GRIA3: variants seen among roughly 807,000 people sequenced by gnomAD.
The protein encoded by GRIA3 is glutamate ionotropic receptor AMPA type subunit 3.
A neutral mutation model predicts 63.0 loss-of-function variants in GRIA3; 3 were observed. The ratio of observed to expected loss-of-function variants is 0.05; its 90% CI spans 0.02 to 0.12. The LOEUF (loss-of-function observed/expected upper bound fraction) is 0.12, where lower values mean the gene tolerates loss of function less well. Ranked by LOEUF, GRIA3 falls within the 10% of genes least tolerant of loss-of-function variation. GRIA3 has a pLI of 1.00. For synonymous variants in GRIA3, 274 were observed against 257.9 expected (o/e 1.06, Z -0.60); for missense variants, 347 against 700.9 (o/e 0.50, Z 5.70).
intron 13 of GRIA3, among the ~76,000 whole-genome samples, chrX:123,473,553 G>A (rs781217609): frequency 3.6e-5 from 4 of 111,460 alleles, no homozygotes; most frequent in African/African-American, 1.3e-4. Context: ...TGAGTGATTG[G>A]GAAAGATGCT....
intron 3 of GRIA3, among the ~76,000 whole-genome samples, chrX:123,259,408 T>C (rs1463368895): frequency 1.8e-5 from 2 of 109,666 alleles, no homozygotes; most frequent in East Asian, 2.9e-4. Flanking sequence ...TCTCTCTCTC[T>C]CCCTCTTTCT....
chrX:123,200,325 C>G (rs1379470460), intron 2 of GRIA3, among the ~76,000 whole-genome samples: 2 of 109,188 alleles, frequency 1.8e-5, no homozygotes, highest in African/African-American at 6.7e-5. Flanking sequence ...GAAAAATTAC[C>G]CAGGTAAATT....
chrX:123,294,672 A>T (rs950498292), intron 3 of GRIA3, among the ~76,000 whole-genome samples: 1 of 111,045 alleles, frequency 9.0e-6, no homozygotes, highest in Admixed American at 9.6e-5. Flanking sequence ...ACGGCTGGGA[A>T]TACTTCTTAG....
chrX:123,233,522 C>T (rs16997211), intron 2 of GRIA3, among the ~76,000 whole-genome samples: 2,695 of 111,340 alleles, frequency 0.024, 86 homozygotes, highest in African/African-American at 0.084. Context: ...AGCTCTCAAG[C>T]CTTCATGACT....
chrX:123,254,109 A>C (rs1209430274), intron 3 of GRIA3, among the ~76,000 whole-genome samples: 1 of 111,650 alleles, frequency 9.0e-6, no homozygotes, highest in African/African-American at 3.3e-5. Context: ...AGACAGCTAA[A>C]CTGGGCTTTG....
chrX:123,234,419 T>C lies in GRIA3; in HGVS notation c.269-18884T>C, dbSNP rs2044292052. 2.7e-5 allele frequency among the ~76,000 whole-genome samples: 3 copies of C among 112,110 alleles called. No homozygotes were observed. The South Asian group carries it at 1.1e-3, about 42-fold the overall frequency. The stretch of plus-strand genomic sequence containing the variant: ...CTCTTGGAATCCATTTCACAAATGT[T>C]TATGACTCTGGAATACTGATGGTAT... On this transcript the variant is annotated intron_variant, in intron 2 of 15. Transcript: ENST00000620443.
chrX:123,248,430 A>G (rs2044370959), intron 2 of GRIA3, among the ~76,000 whole-genome samples: 1 of 112,235 alleles, frequency 8.9e-6, no homozygotes, highest in South Asian at 3.7e-4. Flanking sequence ...ATGACTTTAT[A>G]AGATTGCCAA....
chrX:123,269,570 G>A (rs1198016354), intron 3 of GRIA3, among the ~76,000 whole-genome samples: 4 of 111,481 alleles, frequency 3.6e-5, no homozygotes, highest in Admixed American at 9.5e-5. Flanking sequence ...GAGGAGCTGG[G>A]AAACTCATTT....
intron 2 of GRIA3, among the ~76,000 whole-genome samples, chrX:123,210,771 C>T (rs1475900452): frequency 3.6e-5 from 4 of 111,903 alleles, no homozygotes; most frequent in Non-Finnish European, 7.5e-5. Context: ...CTGATTTATA[C>T]ATGTTTAATA....
chrX:123,354,971 C>A lies in GRIA3; in HGVS notation c.750+8C>A. Reference sequence around the variant, plus strand: ...TACATGCTCGCTAACCTGGTAAGAACAAGCAAGTGTCCCTGGGCAATATAT... The same window carrying A: ...TACATGCTCGCTAACCTGGTAAGAAAAAGCAAGTGTCCCTGGGCAATATAT... On this transcript the variant is annotated splice_region_variant and intron_variant, in intron 5 of 15. Coordinates refer to ENST00000620443, the MANE Select transcript of GRIA3 (RefSeq NM_007325.5). 1 of 1,162,977 alleles carries A rather than the reference C, an allele frequency of 8.6e-7. No homozygotes were observed. The highest frequency in any genetic ancestry group is 1.2e-6 in the Non-Finnish European group (1 of 850,986).
chrX:123,463,712 GAA>G lies in GRIA3; in HGVS notation c.2077-1151_2077-1150del, dbSNP rs1160505752. On this transcript the variant is annotated intron_variant, in intron 12 of 15. Coordinates refer to ENST00000620443, the MANE Select transcript of GRIA3 (RefSeq NM_007325.5). ...AGAGAAAGAAAGAAAAAGAAAGAAA[GAA>G]AGAAAGAAAGAGAAAGAAGAGAGAG... 1.3e-3 allele frequency among the ~76,000 whole-genome samples: 127 copies of G among 96,041 alleles called. 3 individuals are homozygous for G. Among genetic ancestry groups the G allele is most frequent in the South Asian group, 2.5e-3 (5 of 1,999 alleles). The allele number at this position is 96,041 out of a possible 115,157, so 83.4% of individuals were successfully genotyped here.
chrX:123,342,232 T>C (rs1330792815), intron 4 of GRIA3, among the ~76,000 whole-genome samples: 1 of 112,195 alleles, frequency 8.9e-6, no homozygotes, highest in Non-Finnish European at 1.9e-5. Flanking sequence ...TACTTTGGGC[T>C]TGGACATTTC....
At chrX:123,210,701 T>C (rs759588980) in intron 2 of GRIA3, among the ~76,000 whole-genome samples, 1 of 111,916 alleles carries the variant, frequency 8.9e-6, no homozygotes, top group South Asian at 3.8e-4. Flanking sequence ...GCTATTCCAG[T>C]CGACTTTAGT....
At chrX:123,346,498 C>G (rs1029312290) in intron 4 of GRIA3, among the ~76,000 whole-genome samples, 1 of 112,004 alleles carries the variant, frequency 8.9e-6, no homozygotes, top group African/African-American at 3.2e-5. Flanking sequence ...AGAGAAATAG[C>G]CCTCTAAAAC....
intron 12 of GRIA3, among the ~76,000 whole-genome samples, chrX:123,447,851 T>C (rs1186679631): frequency 8.9e-6 from 1 of 112,198 alleles, no homozygotes; most frequent in African/African-American, 3.2e-5. Flanking sequence ...TAATCTTGAT[T>C]GTACTCAATT....
intron 11 of GRIA3, among the ~76,000 whole-genome samples, chrX:123,418,643 C>T (rs774059035): frequency 3.1e-4 from 35 of 112,079 alleles, no homozygotes; most frequent in Non-Finnish European, 6.0e-4. Flanking sequence ...ATAAGCACAA[C>T]AAAAGATACT....
chrX:123,202,861 AAAG>A lies in GRIA3; in HGVS notation c.268+16876_268+16878del, dbSNP rs568706633. ...TGTTCACCAATTCCTGTTATGCCGC[AAAG>A]AAGATCTCCCCACTCTGGAAGCTTG... On this transcript the variant is annotated intron_variant, in intron 2 of 15. Coordinates refer to ENST00000620443, the MANE Select transcript of GRIA3 (RefSeq NM_007325.5). The A allele has an allele frequency of 2.9e-4, 278 of 945,228 alleles. 3 individuals carry two copies. The South Asian group carries it at 6.1e-3, about 21-fold the overall frequency. 77.9% of individuals were successfully genotyped at this position (945,228 alleles called of 1,213,427 possible). A position where few individuals can be genotyped will look rare whatever the true frequency, so the allele number is the denominator to read the frequency against.
chrX:123,363,795 G>A (rs748251435), intron 5 of GRIA3, among the ~76,000 whole-genome samples: 25 of 112,394 alleles, frequency 2.2e-4, no homozygotes, highest in Non-Finnish European at 3.9e-4. Context: ...GGTAGTTTCC[G>A]TTTCAGAAGA....
At chrX:123,218,501 C>G (rs1400090906) in intron 2 of GRIA3, among the ~76,000 whole-genome samples, 2 of 111,021 alleles carry the variant, frequency 1.8e-5, no homozygotes, top group Admixed American at 9.5e-5. Flanking sequence ...GCTCTGTCGC[C>G]CAGGCTGGAG....
Sources: gnomAD v4.1 joint callset for allele counts (sites outside exome capture counted in the v4.1 genomes callset) on GRCh38, gnomAD v4.1.1 for gene constraint, MANE v1.5 for transcripts, NCBI Gene and HGNC (gene_info 2026-07-23, HGNC 2026-07-21) for gene names.